The following ZFP1 variants were observed in gnomAD, a reference collection of about 807,000 sequenced individuals.
ZFP1 encodes ZFP1 zinc finger protein.
ZFP1 carries 32 observed loss-of-function variants against 38.5 expected under a neutral mutation model. That is an observed-to-expected ratio of 0.83 (90% CI 0.63 to 1.12). The LOEUF (loss-of-function observed/expected upper bound fraction) is 1.12, where lower values mean the gene tolerates loss of function less well. Ranked by LOEUF, ZFP1 falls within the 50% of genes most tolerant of loss-of-function variation. The pLI, the probability that ZFP1 is intolerant of heterozygous loss-of-function variation, is 0.00. For synonymous variants in ZFP1, 245 were observed against 168.8 expected, an observed-to-expected ratio of 1.45 and a Z score of -3.50; for missense variants, 616 against 480.8, an observed-to-expected ratio of 1.28 and a Z score of -2.63.
chr16:75,129,421 C>G, the ZFP1 span, among the ~76,000 whole-genome samples: 1 of 152,098 alleles, frequency 6.6e-6, no homozygotes, highest in Non-Finnish European at 1.5e-5. Flanking sequence ...AATCACTAAG[C>G]TAAAGGGAAA....
At chr16:75,166,612 A>G in intron 2 of ZFP1, 158 bp from the exon 3 acceptor site, 1 of 985,156 alleles carries the variant, frequency 1.0e-6, no homozygotes, top group African/African-American at 1.7e-5. Flanking sequence ...TCAACTATTT[A>G]TAAAAATATA....
In ZFP1 at chr16:75,169,596, A is replaced by G. The variant is rs779840954; in HGVS notation, c.486A>G (p.Gly162=). Residue 162 remains glycine, a synonymous_variant, in exon 4 of 4, where the codon GGA becomes GGG. Coordinates refer to ENST00000570010, the MANE Select transcript of ZFP1 (RefSeq NM_153688.4). ...GVEYSEYNKS[G]KALSHKAAIF... Reference sequence around the variant, plus strand: ...AATATTCTGAATACAATAAAAGTGGAAAAGCCCTCAGCCATAAAGCAGCCA... The same window carrying G: ...AATATTCTGAATACAATAAAAGTGGGAAAGCCCTCAGCCATAAAGCAGCCA... 1.3e-6 allele frequency: 2 copies of G among 1,595,288 alleles called. No homozygotes were observed. The highest frequency in any genetic ancestry group is 4.5e-5 in the East Asian group (2 of 44,806).
rs1283421382 is a variant in ZFP1, at chr16:75,172,032, AC to A, written c.*1699del. 6.6e-6 allele frequency: 1 copy of A among 152,182 alleles called. No individual in the cohort carries two copies. Among genetic ancestry groups the A allele is most frequent in the East Asian group, 1.9e-4 (1 of 5,204 alleles). 9.4% of individuals were successfully genotyped at this position (152,182 alleles called of 1,614,324 possible). ...GTATTTTTTGGTAAGGACCAAAAAA[AC>A]AAACAAAAAAAAGACCATCAGTAAG... On this transcript the variant is annotated 3_prime_UTR_variant, in exon 4 of 4. Transcript: ENST00000570010.
chr16:75,124,643 T>C, the ZFP1 span, among the ~76,000 whole-genome samples: 2 of 150,172 alleles, frequency 1.3e-5, no homozygotes, highest in African/African-American at 4.9e-5. Flanking sequence ...CAAAATTAGC[T>C]GGACGTGGCG....
intron 2 of ZFP1, among the ~76,000 whole-genome samples, chr16:75,165,694 A>G (rs1041572626): frequency 2.6e-5 from 4 of 151,934 alleles, no homozygotes; most frequent in Admixed American, 6.6e-5. Context: ...TGGGGTTTTA[A>G]ATCAGTTTTG....
chr16:75,159,409 ATTTTTTT>A (rs59866485), intron 2 of ZFP1, among the ~76,000 whole-genome samples: 1 of 59,146 alleles, frequency 1.7e-5, no homozygotes, highest in Non-Finnish European at 3.1e-5. Flanking sequence ...CTCACTTTTC[ATTTTTTT>A]TTTTTTTTTT....
chr16:75,165,094 C>T (rs765081376), intron 2 of ZFP1, among the ~76,000 whole-genome samples: 30 of 152,170 alleles, frequency 2.0e-4, no homozygotes, highest in Non-Finnish European at 3.7e-4. Context: ...CATGAACCAT[C>T]GCGCCCGGCC....
Position 75,161,904 on chromosome 16 carries a change from C to T in ZFP1, c.16-4866C>T, listed in dbSNP as rs769788608. ...GGTTCAAGCGATTCCCCTGCCTCAGCCTCCCAGGTAGCTGGGACTACAGGC... is the reference window on the plus strand; with the variant it reads ...GGTTCAAGCGATTCCCCTGCCTCAGTCTCCCAGGTAGCTGGGACTACAGGC... On this transcript the variant is annotated intron_variant, in intron 2 of 3. Transcript: ENST00000570010. 2.9e-4 allele frequency among the ~76,000 whole-genome samples: 43 copies of T among 147,910 alleles called. No individual in the cohort carries two copies. The Middle Eastern group carries it at 0.024, about 84-fold the overall frequency.
At chr16:75,162,944 C>T (rs550432945) in intron 2 of ZFP1, among the ~76,000 whole-genome samples, 6 of 147,982 alleles carry the variant, frequency 4.1e-5, no homozygotes, top group Non-Finnish European at 7.4e-5. Context: ...CAGTCTTGCT[C>T]TGTTGCCCAG....
At chr16:75,157,296 G>T (rs1238259362) in intron 2 of ZFP1, 1 of 149,810 alleles carries the variant, frequency 6.7e-6, no homozygotes. Context: ...CCAGGCTGGG[G>T]TGCAGTGGTG....
the ZFP1 span, among the ~76,000 whole-genome samples, chr16:75,139,387 A>AAAAAAAAAAAACAAAAAC: frequency 4.3e-3 from 616 of 144,212 alleles, 11 homozygotes; most frequent in African/African-American, 0.016. Flanking sequence ...AAAAAAAAAA[A>AAAAAAAAAAAACAAAAAC]AAAAAAAAAC....
chr16:75,131,029 C>CCT, the ZFP1 span, among the ~76,000 whole-genome samples: 1 of 152,172 alleles, frequency 6.6e-6, no homozygotes, highest in South Asian at 2.1e-4. Context: ...TTCCTCCCAA[C>CCT]CTCCTCATTG....
intron 1 of ZFP1, among the ~76,000 whole-genome samples, chr16:75,151,867 A>G (rs980322222): frequency 6.6e-6 from 1 of 152,182 alleles, no homozygotes; most frequent in Admixed American, 6.5e-5. Flanking sequence ...CTTCTAGTGC[A>G]GGTCTACTGA....
At chr16:75,123,455 G>GTATGTATATATA in the ZFP1 span, among the ~76,000 whole-genome samples, 34 of 87,262 alleles carry the variant, frequency 3.9e-4, no homozygotes, top group Non-Finnish European at 5.5e-4. Context: ...GTGTGTATAT[G>GTATGTATATATA]TATATATATA....
rs1164295758 is a variant in ZFP1 at position 75,166,883 on chromosome 16, C to T, written c.129C>T (p.Asn43=). 6 of 1,613,790 alleles carry T rather than the reference C, an allele frequency of 3.7e-6. No homozygotes were observed. The highest frequency in any genetic ancestry group is 5.1e-6 in the Non-Finnish European group (6 of 1,179,826). Residue 43 remains asparagine, a synonymous_variant, in exon 3 of 4, where the codon AAC becomes AAT. Coordinates refer to ENST00000570010, the MANE Select transcript of ZFP1 (RefSeq NM_153688.4). The stretch of plus-strand genomic sequence containing the variant: ...ATGTGATGCTGGAGAATTATAGCAA[C>T]TTACTTTCAGTGGGTAAGGACGGTT... The part of the protein sequence containing the change: ...YMDVMLENYS[N]LLSVEVWKAD...
At chr16:75,146,275 G>T (rs1275373178), upstream of ZFP1, among the ~76,000 whole-genome samples, 3 of 151,572 alleles carry the variant, frequency 2.0e-5, no homozygotes, top group African/African-American at 7.3e-5. Flanking sequence ...CCATTCTCCT[G>T]GCTCAGCCTC....
chr16:75,163,799 CAGGG>C (rs2037917321), intron 2 of ZFP1, among the ~76,000 whole-genome samples: 1 of 151,492 alleles, frequency 6.6e-6, no homozygotes, highest in Non-Finnish European at 1.5e-5. Context: ...GTTGTAGAGA[CAGGG>C]TCTTGCCATG....
chr16:75,148,520 G>A (rs1453859809), upstream of ZFP1: 2 of 152,284 alleles, frequency 1.3e-5, no homozygotes, highest in Non-Finnish European at 2.9e-5. Flanking sequence ...GCGCGCCGGT[G>A]GCCGCCCTTC....
At position 75,171,977 on chromosome 16, in the gene ZFP1, C is replaced by G. The variant is rs1263574483; in HGVS notation, c.*1643C>G. The G allele has an allele frequency of 6.6e-6, 1 of 152,104 alleles. No homozygotes were observed. Among genetic ancestry groups the G allele is most frequent in the Admixed American group, 6.5e-5 (1 of 15,276 alleles). The allele number at this position is 152,104 out of a possible 1,614,324, so 9.4% of individuals were successfully genotyped here. A position where few individuals can be genotyped will look rare whatever the true frequency, so the allele number is the denominator to read the frequency against. On this transcript the variant is annotated 3_prime_UTR_variant, in exon 4 of 4. Coordinates refer to ENST00000570010, the MANE Select transcript of ZFP1 (RefSeq NM_153688.4). The stretch of plus-strand genomic sequence containing the variant: ...CCCTAAGGAATAAAAAGCGCCAGCA[C>G]TTAAGATTATATGTTTACTAATGTA...
Sources: gnomAD v4.1 joint callset for allele counts (sites outside exome capture counted in the v4.1 genomes callset) on GRCh38, gnomAD v4.1.1 for gene constraint, MANE v1.5 for transcripts, NCBI Gene and HGNC (gene_info 2026-07-23, HGNC 2026-07-21) for gene names.